OTUD7A: variants seen among roughly 807,000 people sequenced by gnomAD.
OTUD7A encodes OTU deubiquitinase 7A, also known as OTU domain-containing protein 7A.
OTUD7A carries 12 observed loss-of-function variants against 65.7 expected under a neutral mutation model. The observed-to-expected ratio is 0.18, with a 90% CI of 0.12 to 0.30. The LOEUF (loss-of-function observed/expected upper bound fraction) is 0.30. OTUD7A is among the 10% of genes least tolerant of loss of function. The probability of loss-of-function intolerance (pLI) is 1.00; values close to 1 mark genes in which losing one functional copy is unlikely to be tolerated. For synonymous variants in OTUD7A, 641 were observed against 586.3 expected (o/e 1.09, Z -1.35); for missense variants, 1,148 against 1,304.8 (o/e 0.88, Z 1.85).
intron 1 of OTUD7A, chr15:31,787,585 C>G (rs1895707459): frequency 1.3e-5 from 2 of 152,152 alleles, no homozygotes; most frequent in African/African-American, 4.8e-5. Flanking sequence ...CAACAACTTT[C>G]TCAACATCAA....
At chr15:31,598,061 G>A (rs967645367) in intron 3 of OTUD7A, among the ~76,000 whole-genome samples, 7 of 152,072 alleles carry the variant, frequency 4.6e-5, no homozygotes, top group Non-Finnish European at 7.4e-5. Flanking sequence ...AGCCTGGTCC[G>A]GGAGAGCCTG....
chr15:31,610,872 G>A (rs1358901219), intron 3 of OTUD7A, among the ~76,000 whole-genome samples: 6 of 151,236 alleles, frequency 4.0e-5, no homozygotes, highest in Non-Finnish European at 7.4e-5. Flanking sequence ...CTCGTGATCT[G>A]CCTGCCTCGG....
intron 1 of OTUD7A, among the ~76,000 whole-genome samples, chr15:31,736,557 C>T (rs997361326): frequency 6.6e-6 from 1 of 151,976 alleles, no homozygotes; most frequent in Non-Finnish European, 1.5e-5. Flanking sequence ...AGGGAGTGTA[C>T]GCCTCACACT....
chr15:31,483,106 C>T lies in OTUD7A; in HGVS notation c.*188G>A. 7.5e-6 allele frequency: 3 copies of T among 402,682 alleles called. No homozygotes were observed. The highest frequency in any genetic ancestry group is 1.0e-5 in the Non-Finnish European group (3 of 291,194). 24.9% of individuals were successfully genotyped at this position (402,682 alleles called of 1,614,324 possible). On this transcript the variant is annotated 3_prime_UTR_variant, in exon 13 of 13. Coordinates refer to ENST00000307050, the MANE Select transcript of OTUD7A (RefSeq NM_001382637.1). ...CCAACAGTATGACTTGTTTCCTATC[C>T]GTCTACTACCTGAGTGGCGTCAGTG...
intron 5 of OTUD7A, among the ~76,000 whole-genome samples, chr15:31,544,612 T>C (rs2141138506): frequency 6.6e-6 from 1 of 151,930 alleles, no homozygotes; most frequent in South Asian, 2.1e-4. Flanking sequence ...GTAATAATTC[T>C]AAGTGTCTAT....
chr15:31,712,803 G>A (rs1374930902), intron 1 of OTUD7A, among the ~76,000 whole-genome samples: 1 of 136,392 alleles, frequency 7.3e-6, no homozygotes, highest in Non-Finnish European at 1.6e-5. Context: ...GAAACAGAAG[G>A]ACATTGAGTT....
chr15:31,515,679 A>G (rs1344528629), intron 8 of OTUD7A, among the ~76,000 whole-genome samples: 1 of 130,232 alleles, frequency 7.7e-6, no homozygotes, highest in Admixed American at 9.1e-5. Context: ...TGATCCACCC[A>G]TCCACTTGTC....
chr15:31,825,122 G>T (rs1264618810), intron 1 of OTUD7A, among the ~76,000 whole-genome samples: 1 of 152,188 alleles, frequency 6.6e-6, no homozygotes, highest in Admixed American at 6.5e-5. Context: ...TTTGTGCCAG[G>T]TAAGAATCAC....
At chr15:31,807,984 C>T (rs1307777138) in intron 1 of OTUD7A, among the ~76,000 whole-genome samples, 1 of 151,964 alleles carries the variant, frequency 6.6e-6, no homozygotes, top group Non-Finnish European at 1.5e-5. Flanking sequence ...TTTCGTCTGT[C>T]AGTTGAAGTT....
At chr15:31,577,679 G>A (rs940429333) in intron 3 of OTUD7A, among the ~76,000 whole-genome samples, 4 of 151,986 alleles carry the variant, frequency 2.6e-5, no homozygotes, top group Non-Finnish European at 4.4e-5. Context: ...TCAGAAGGGC[G>A]ACAGAGCAAG....
At chr15:31,759,484 T>C (rs1894902274) in intron 1 of OTUD7A, among the ~76,000 whole-genome samples, 1 of 152,248 alleles carries the variant, frequency 6.6e-6, no homozygotes, top group Non-Finnish European at 1.5e-5. Context: ...GAGTCCTGCT[T>C]CTTTAACTGC....
chr15:31,831,296 A>G (rs1402257866), intron 1 of OTUD7A, among the ~76,000 whole-genome samples: 1 of 152,210 alleles, frequency 6.6e-6, no homozygotes, highest in Admixed American at 6.5e-5. Flanking sequence ...AATAAATCAG[A>G]CTTCGTAAAA....
chr15:31,807,796 C>T (rs1165620634), intron 1 of OTUD7A, among the ~76,000 whole-genome samples: 1 of 152,042 alleles, frequency 6.6e-6, no homozygotes, highest in Non-Finnish European at 1.5e-5. Flanking sequence ...CAACCACCTC[C>T]ACTCCCCCAA....
At chr15:31,815,111 C>A (rs538426688) in intron 1 of OTUD7A, among the ~76,000 whole-genome samples, 1 of 152,178 alleles carries the variant, frequency 6.6e-6, no homozygotes, top group African/African-American at 2.4e-5. Flanking sequence ...AACTCCCCAG[C>A]CCTTCTGCTG....
intron 1 of OTUD7A, among the ~76,000 whole-genome samples, chr15:31,751,989 C>T (rs1894649807): frequency 6.6e-6 from 1 of 152,078 alleles, no homozygotes; most frequent in African/African-American, 2.4e-5. Flanking sequence ...GCCCAAACCC[C>T]AGCATCACAC....
chr15:31,779,170 G>C (rs2140923660), intron 1 of OTUD7A, among the ~76,000 whole-genome samples: 1 of 152,182 alleles, frequency 6.6e-6, no homozygotes, highest in East Asian at 1.9e-4. Flanking sequence ...TCCTCACCCA[G>C]GTGCCCTATT....
At chr15:31,859,260 AT>A (rs1271911943) in intron 1 of OTUD7A, among the ~76,000 whole-genome samples, 2 of 152,224 alleles carry the variant, frequency 1.3e-5, no homozygotes, top group African/African-American at 4.8e-5. Flanking sequence ...TGTACAACAC[AT>A]CATGTTGTAC....
chr15:31,541,938 T>C (rs1887998920), intron 5 of OTUD7A, among the ~76,000 whole-genome samples: 1 of 152,146 alleles, frequency 6.6e-6, no homozygotes, highest in South Asian at 2.1e-4. Context: ...AAATAAAAAC[T>C]TCCCCGGAAA....
At chr15:31,542,360 A>T (rs987629947) in intron 5 of OTUD7A, among the ~76,000 whole-genome samples, 1 of 152,162 alleles carries the variant, frequency 6.6e-6, no homozygotes, top group Non-Finnish European at 1.5e-5. Context: ...ACACATATAG[A>T]ACTTAAAATG....
Sources: allele counts gnomAD v4.1 joint callset (sites outside exome capture counted in the v4.1 genomes callset), GRCh38; gene constraint gnomAD v4.1.1; transcripts MANE v1.5; gene names NCBI Gene and HGNC (gene_info 2026-07-23, HGNC 2026-07-21).